Variants in NRG4 observed in about 807,000 individuals in gnomAD.
NRG4 encodes the protein pro-neuregulin-4, membrane-bound isoform.
A neutral mutation model predicts 15.0 loss-of-function variants in NRG4; 10 were observed. The ratio of observed to expected loss-of-function variants is 0.67; its 90% confidence interval spans 0.41 to 1.13. NRG4 has a LOEUF of 1.13. Among genes scored for constraint, NRG4 ranks in the 50% most tolerant of loss-of-function variants. The pLI is 0.00. For synonymous variants in NRG4, 41 were observed against 50.1 expected, an observed-to-expected ratio of 0.82 and a Z score of 0.77; for missense variants, 139 against 140.2, an observed-to-expected ratio of 0.99 and a Z score of 0.04.
chr15:76,005,799 T>C (rs1474009258), intron 3 of NRG4: 2 of 435,050 alleles, frequency 4.6e-6, no homozygotes, highest in Non-Finnish European at 9.2e-6. Flanking sequence ...TCATTTTCAT[T>C]TTCGTGTAGA....
rs764624550 is a variant in NRG4 at position 75,998,165 on chromosome 15, G to A, written c.104+11035C>T. ...TTCATTCACTCAACAGATACTTACC[G>A]AAAACCTACTCTATGCTTGTTCTAG... On this transcript the variant is annotated intron_variant, in intron 3 of 5. Transcript: ENST00000394907. Among the ~76,000 whole-genome samples, 28 of 152,128 alleles carry A rather than the reference G, an allele frequency of 1.8e-4. 1 individual carries two copies. Among genetic ancestry groups the A allele is most frequent in the Non-Finnish European group, 8.8e-5 (6 of 68,018 alleles).
chr15:76,050,330 T>G (rs549867048), intron 4 of NRG4, among the ~76,000 whole-genome samples: 11 of 150,770 alleles, frequency 7.3e-5, no homozygotes, highest in Admixed American at 5.9e-4. Context: ...TCTAATCTAT[T>G]TTTTCCTGCT....
chr15:76,052,234 A>G (rs2036036882), intron 3 of NRG4: 1 of 150,906 alleles, frequency 6.6e-6, no homozygotes, highest in South Asian at 2.1e-4. Context: ...TAATACACGA[A>G]GAGAAGGAAA....
intron 1 of NRG4, among the ~76,000 whole-genome samples, chr15:76,058,432 T>G (rs1498197): frequency 0.061 from 9,259 of 152,262 alleles, 618 homozygotes; most frequent in African/African-American, 0.17. Context: ...TTTTCTCAGT[T>G]TGCCAAAAGT....
chr15:75,992,807 T>C (rs1024090915), intron 3 of NRG4, among the ~76,000 whole-genome samples: 1 of 152,184 alleles, frequency 6.6e-6, no homozygotes, highest in African/African-American at 2.4e-5. Context: ...TAGCATAATG[T>C]TTGTATGGGT....
chr15:76,038,005 G>A (rs925896049), intron 4 of NRG4, among the ~76,000 whole-genome samples: 3 of 152,110 alleles, frequency 2.0e-5, no homozygotes, highest in African/African-American at 7.2e-5. Context: ...GACACACCCT[G>A]GACCCACAGG....
chr15:76,017,155 CTTT>C (rs66838505), upstream of NRG4, among the ~76,000 whole-genome samples: 1 of 52,296 alleles, frequency 1.9e-5, no homozygotes, highest in Non-Finnish European at 4.0e-5. Context: ...CAACCCCTGC[CTTT>C]TTTTTTTTTT....
At chr15:75,974,806 G>C (rs2033290811) in intron 3 of NRG4, among the ~76,000 whole-genome samples, 1 of 152,182 alleles carries the variant, frequency 6.6e-6, no homozygotes, top group Admixed American at 6.5e-5. Flanking sequence ...AGTGCGATGT[G>C]GTGCTGAGAA....
At position 76,009,215 on chromosome 15, in the gene NRG4, G is replaced by A. The variant is rs370284384; in HGVS notation, c.89C>T (p.Pro30Leu). 1 of 1,572,308 alleles carries A rather than the reference G, an allele frequency of 6.4e-7. No homozygotes were observed. ...GGLCYVIPTI[P>L]SPFCRCVENY... ...TTTCACTCACCTACAAAATGGGCTG[G>A]GAATAGTAGGTATCACATAACAAAG... Residue 30 changes from proline (P) to leucine (L), a missense_variant, in exon 3 of 6, where the codon CCC becomes CTC. Pro to Leu is a moderately conservative substitution (Grantham distance 98). Coordinates refer to ENST00000394907, the MANE Select transcript of NRG4 (RefSeq NM_138573.4).
intron 3 of NRG4, among the ~76,000 whole-genome samples, chr15:75,991,932 T>C (rs1327639679): frequency 2.6e-5 from 4 of 152,180 alleles, no homozygotes; most frequent in Admixed American, 6.5e-5. Context: ...CTTTCTTCCA[T>C]TTATTTTCTG....
chr15:76,009,154 C>T (rs757395399), intron 3 of NRG4, 46 bp downstream of exon 3: 4 of 907,058 alleles, frequency 4.4e-6, no homozygotes, highest in Non-Finnish European at 7.5e-6. Context: ...AGTTAGTAGA[C>T]AATAAAAAAT....
chr15:75,959,168 T>A (rs987579088), intron 4 of NRG4: 4 of 405,132 alleles, frequency 9.9e-6, no homozygotes, highest in African/African-American at 8.3e-5. Context: ...AAAATTGTTT[T>A]GTACAGACGG....
chr15:76,056,497 TA>T (rs2036155669), intron 2 of NRG4, among the ~76,000 whole-genome samples: 1 of 150,102 alleles, frequency 6.7e-6, no homozygotes, highest in South Asian at 2.2e-4. Flanking sequence ...AAAATTAAAT[TA>T]AAAAATAAAA....
rs1013387428 is a variant in NRG4, at chr15:76,026,202, C to T, written c.-57+9742G>A. 7.2e-5 allele frequency among the ~76,000 whole-genome samples: 11 copies of T among 152,226 alleles called. No individual in the cohort carries two copies. In the East Asian group the frequency reaches 2.1e-3, roughly 29 times the overall value. ...TCCAATTCCAGAAAGTTCAAATAAT[C>T]CCACACAGATTCAACCTAAACAAGT... is the stretch of plus-strand genomic sequence containing the variant. On this transcript the variant is annotated intron_variant, in intron 5 of 8. Transcript: ENST00000563910.
intron 3 of NRG4, among the ~76,000 whole-genome samples, chr15:76,008,844 GT>G (rs2034703322): frequency 6.6e-6 from 1 of 152,010 alleles, no homozygotes; most frequent in Admixed American, 6.6e-5. Flanking sequence ...ATCATATTAG[GT>G]TTTTTTGATT....
At chr15:76,023,809 A>G (rs1025719752) in intron 5 of NRG4, among the ~76,000 whole-genome samples, 5 of 152,184 alleles carry the variant, frequency 3.3e-5, no homozygotes, top group Admixed American at 2.6e-4. Context: ...AGGGAAACCA[A>G]TTCCCACTGC....
intron 5 of NRG4, among the ~76,000 whole-genome samples, chr15:76,030,702 C>A (rs1186761546): frequency 1.3e-5 from 2 of 152,172 alleles, no homozygotes; most frequent in Non-Finnish European, 2.9e-5. Context: ...AATAACACCT[C>A]AAAGGCACAG....
chr15:75,947,643 T>G (rs2031614372), intron 5 of NRG4, among the ~76,000 whole-genome samples: 1 of 152,244 alleles, frequency 6.6e-6, no homozygotes, highest in African/African-American at 2.4e-5. Context: ...TTCATTTCTT[T>G]TAGATGTATA....
At chr15:76,029,968 A>C (rs2035428785) in intron 5 of NRG4, among the ~76,000 whole-genome samples, 2 of 152,324 alleles carry the variant, frequency 1.3e-5, no homozygotes, top group South Asian at 4.1e-4. Flanking sequence ...CAAAAAGAAC[A>C]AAGCTGCAGG....
Sources: gnomAD v4.1 joint callset for allele counts (sites outside exome capture counted in the v4.1 genomes callset) on GRCh38, gnomAD v4.1.1 for gene constraint, MANE v1.5 for transcripts, NCBI Gene and HGNC (gene_info 2026-07-23, HGNC 2026-07-21) for gene names.